Variants in ENTPD1 observed in about 807,000 individuals in gnomAD.
ENTPD1 encodes ectonucleoside triphosphate diphosphohydrolase 1, also known as ATP diphosphohydrolase.
In ENTPD1, 33 loss-of-function variants were observed where a neutral mutation model predicts 57.0. The observed-to-expected ratio is 0.58, with a 90% CI of 0.44 to 0.77. ENTPD1 has a LOEUF of 0.77. Ranked by LOEUF, ENTPD1 falls within the 30% of genes least tolerant of loss-of-function variation. ENTPD1 has a pLI of 0.00. For synonymous variants in ENTPD1, 202 were observed against 218.8 expected, an observed-to-expected ratio of 0.92 and a Z score of 0.68; for missense variants, 501 against 603.4, an observed-to-expected ratio of 0.83 and a Z score of 1.78.
At chr10:95,858,283 G>C (rs1190529368) in intron 7 of ENTPD1, among the ~76,000 whole-genome samples, 2 of 152,142 alleles carry the variant, frequency 1.3e-5, no homozygotes, top group Admixed American at 6.5e-5. Context: ...AGAGGGAATA[G>C]CAAGTGTACA....
At chr10:95,715,708 C>T (rs1407530771) in intron 1 of ENTPD1, among the ~76,000 whole-genome samples, 2 of 151,984 alleles carry the variant, frequency 1.3e-5, no homozygotes, top group Non-Finnish European at 2.9e-5. Flanking sequence ...AAATTTACCC[C>T]TTTAAAGTGT....
chr10:95,718,769 G>A (rs576014741), intron 1 of ENTPD1, among the ~76,000 whole-genome samples: 66 of 152,230 alleles, frequency 4.3e-4, no homozygotes, highest in Admixed American at 3.3e-3. Flanking sequence ...CCCACTTTTC[G>A]AAGTCCTTTT....
upstream of ENTPD1, among the ~76,000 whole-genome samples, chr10:95,710,949 A>T (rs2097965088): frequency 6.6e-6 from 1 of 152,136 alleles, no homozygotes. Context: ...TGGCTATTCC[A>T]GGATCCCAGA....
intron 1 of ENTPD1, among the ~76,000 whole-genome samples, chr10:95,770,692 T>C (rs577201386): frequency 6.6e-6 from 1 of 152,174 alleles, no homozygotes; most frequent in South Asian, 2.1e-4. Context: ...ACTGTTACTC[T>C]TCCCAGAACT....
At chr10:95,865,506 GTGGGGAAAACATTT>G (rs1337556417) in intron 9 of ENTPD1, among the ~76,000 whole-genome samples, 1 of 152,180 alleles carries the variant, frequency 6.6e-6, no homozygotes, top group African/African-American at 2.4e-5. Context: ...ATGCTCACTA[GTGGGGAAAACATTT>G]TACCCCCTGT....
chr10:95,710,499 C>T (rs1173388497), upstream of ENTPD1, among the ~76,000 whole-genome samples: 6 of 144,190 alleles, frequency 4.2e-5, no homozygotes, highest in South Asian at 4.3e-4. Context: ...GTTGAATAAA[C>T]GGTGTCTACA....
chr10:95,727,605 A>G (rs1933166), intron 1 of ENTPD1, among the ~76,000 whole-genome samples: 24,233 of 152,118 alleles, frequency 0.16, 2,494 homozygotes, highest in African/African-American at 0.28. Flanking sequence ...TCAATGTTTT[A>G]ACTCCTTTAA....
chr10:95,705,166 G>T, the ENTPD1 span, among the ~76,000 whole-genome samples: 1 of 151,964 alleles, frequency 6.6e-6, no homozygotes, highest in Non-Finnish European at 1.5e-5. Flanking sequence ...TACTGATAGG[G>T]GTATAAATTG....
chr10:95,735,145 C>T (rs535884660), intron 1 of ENTPD1, among the ~76,000 whole-genome samples: 16 of 151,544 alleles, frequency 1.1e-4, no homozygotes, highest in African/African-American at 2.7e-4. Context: ...GATTCTCTTG[C>T]CTCAGCCTCC....
intron 1 of ENTPD1, among the ~76,000 whole-genome samples, chr10:95,760,891 G>A (rs988844740): frequency 6.8e-5 from 9 of 133,052 alleles, no homozygotes; most frequent in East Asian, 4.5e-4. Context: ...GTGCAGTGGC[G>A]CGATCTCAGC....
chr10:95,841,248 A>G (rs1297926560), intron 3 of ENTPD1, among the ~76,000 whole-genome samples: 1 of 152,124 alleles, frequency 6.6e-6, no homozygotes, highest in Non-Finnish European at 1.5e-5. Flanking sequence ...TTAGCTAGGC[A>G]TGGTGGTGCG....
intron 1 of ENTPD1, among the ~76,000 whole-genome samples, chr10:95,713,442 A>T (rs1435106184): frequency 6.6e-6 from 1 of 152,238 alleles, no homozygotes; most frequent in Non-Finnish European, 1.5e-5. Flanking sequence ...CTCTTGACAA[A>T]ATTAAAATGC....
At chr10:95,831,331 G>T (rs1195445540) in intron 2 of ENTPD1, among the ~76,000 whole-genome samples, 1 of 152,142 alleles carries the variant, frequency 6.6e-6, no homozygotes, top group African/African-American at 2.4e-5. Flanking sequence ...AACACAACAT[G>T]GGCCATGGAC....
intron 1 of ENTPD1, among the ~76,000 whole-genome samples, chr10:95,736,831 C>G (rs2139864541): frequency 6.6e-6 from 1 of 152,334 alleles, no homozygotes; most frequent in South Asian, 2.1e-4. Context: ...ATATAAACTT[C>G]AGCTCTTGAC....
chr10:95,863,108 G>A (rs2098468031), intron 8 of ENTPD1, among the ~76,000 whole-genome samples: 3 of 152,200 alleles, frequency 2.0e-5, no homozygotes, highest in Admixed American at 6.5e-5. Context: ...GAAGGTGGAT[G>A]CCTTTTTGGC....
intron 8 of ENTPD1, among the ~76,000 whole-genome samples, chr10:95,862,293 T>A (rs1163035113): frequency 6.6e-6 from 1 of 152,348 alleles, no homozygotes; most frequent in African/African-American, 2.4e-5. Flanking sequence ...CCAAGCTGCA[T>A]CGTCCACCCA....
intron 2 of ENTPD1, among the ~76,000 whole-genome samples, chr10:95,837,428 C>A (rs1222177067): frequency 2.6e-5 from 4 of 152,248 alleles, no homozygotes; most frequent in Non-Finnish European, 5.9e-5. Context: ...GTGTTCCTCT[C>A]TGCCCACAAT....
At position 95,866,937 on chromosome 10, in the gene ENTPD1, G is replaced by A. The variant is rs1404988551; in HGVS notation, c.*554G>A. The A allele has an allele frequency of 6.9e-6, 7 of 1,011,548 alleles. No individual in the cohort carries two copies. The highest frequency in any genetic ancestry group is 7.1e-6 in the Non-Finnish European group (6 of 844,744). 62.7% of individuals were successfully genotyped at this position (1,011,548 alleles called of 1,614,324 possible). ...GGCAAATATGTGCTAAAGCCAAAGA[G>A]TTTTATAAGGAAATATATGTGCTCA... On this transcript the variant is annotated 3_prime_UTR_variant, in exon 10 of 10. Transcript: ENST00000371205.
chr10:95,711,693 C>G (rs1172501042), upstream of ENTPD1: 29 of 460,124 alleles, frequency 6.3e-5, no homozygotes, highest in Non-Finnish European at 9.2e-5. Flanking sequence ...AGGCATACTC[C>G]CTCCTCAGCC....
Sources: allele counts gnomAD v4.1 joint callset (sites outside exome capture counted in the v4.1 genomes callset), GRCh38; gene constraint gnomAD v4.1.1; transcripts MANE v1.5; gene names NCBI Gene and HGNC (gene_info 2026-07-23, HGNC 2026-07-21).